Variants in CNGB1 observed in about 807,000 individuals in gnomAD.
CNGB1 encodes cyclic nucleotide gated channel subunit beta 1, also known as cyclic nucleotide-gated channel beta-1.
CNGB1 carries 126 observed loss-of-function variants against 151.7 expected under a neutral mutation model. That is an observed-to-expected ratio of 0.83 (90% CI 0.72 to 0.96). The LOEUF (loss-of-function observed/expected upper bound fraction) is 0.96. Among genes scored for constraint, CNGB1 ranks in the 40% least tolerant of loss-of-function variants. CNGB1 has a pLI of 0.00. For missense variants in CNGB1, 1,698 were observed against 1,627.0 expected, an observed-to-expected ratio of 1.04 and a Z score of -0.75; for synonymous variants, 623 against 635.1, an observed-to-expected ratio of 0.98 and a Z score of 0.29.
chr16:57,934,786 A>T (rs1427978138), intron 16 of CNGB1, among the ~76,000 whole-genome samples: 1 of 152,090 alleles, frequency 6.6e-6, no homozygotes, highest in Non-Finnish European at 1.5e-5. Context: ...GAGAAACTCC[A>T]TCTCTACTAA....
intron 20 of CNGB1, 53 bp from the exon 21 acceptor site, chr16:57,917,529 A>T (rs1960905293): frequency 1.3e-6 from 2 of 1,572,318 alleles, no homozygotes; most frequent in South Asian, 2.2e-5. Flanking sequence ...AAGGCTCTTC[A>T]CCAGTTGGAT....
intron 1 of CNGB1, among the ~76,000 whole-genome samples, 175 bp downstream of exon 1, chr16:57,970,885 A>T (rs1195675254): frequency 6.6e-6 from 1 of 152,010 alleles, no homozygotes; most frequent in Non-Finnish European, 1.5e-5. Flanking sequence ...AGGAATTTGC[A>T]TTGTACAAGC....
intron 25 of CNGB1, among the ~76,000 whole-genome samples, chr16:57,906,174 C>A (rs1960545630): frequency 6.6e-6 from 1 of 152,206 alleles, no homozygotes; most frequent in South Asian, 2.1e-4. Flanking sequence ...GGCTCAGCCA[C>A]CTTCTGGCTG....
intron 31 of CNGB1, among the ~76,000 whole-genome samples, chr16:57,889,302 C>T (rs1960023399): frequency 6.6e-6 from 1 of 152,226 alleles, no homozygotes; most frequent in African/African-American, 2.4e-5. Flanking sequence ...AGTGCCTGGC[C>T]TCCCTTGATG....
At chr16:57,969,637 AT>A (rs1178469792) in intron 1 of CNGB1, among the ~76,000 whole-genome samples, 1 of 152,216 alleles carries the variant, frequency 6.6e-6, no homozygotes, top group Non-Finnish European at 1.5e-5. Flanking sequence ...ATAGTGCTAT[AT>A]TTTAAAAAAA....
At chr16:57,928,990 T>C (rs1961268735) in intron 17 of CNGB1, among the ~76,000 whole-genome samples, 1 of 152,052 alleles carries the variant, frequency 6.6e-6, no homozygotes, top group Non-Finnish European at 1.5e-5. Context: ...AAAGCACAGG[T>C]AACAAAAGCA....
In CNGB1 at chr16:57,883,867, C is replaced by A; in HGVS notation, c.*297G>T. 1 of 534,640 alleles carries A rather than the reference C, an allele frequency of 1.9e-6. No individual in the cohort carries two copies. Among genetic ancestry groups the A allele is most frequent in the Non-Finnish European group, 3.4e-6 (1 of 298,322 alleles). The allele number at this position is 534,640 out of a possible 1,614,324, so 33.1% of individuals were successfully genotyped here. Reference sequence around the variant, plus strand: ...CCCATGAACTTTAAAAGTGGAAAATCATTTTGTTCTTAAAAAGAGGAACAG... The same window carrying A: ...CCCATGAACTTTAAAAGTGGAAAATAATTTTGTTCTTAAAAAGAGGAACAG... On this transcript the variant is annotated 3_prime_UTR_variant, in exon 33 of 33. Coordinates refer to ENST00000251102, the MANE Select transcript of CNGB1 (RefSeq NM_001297.5).
At chr16:57,920,239 G>T in intron 19 of CNGB1, 148 bp downstream of exon 19, 1 of 867,664 alleles carries the variant, frequency 1.2e-6, no homozygotes, top group Non-Finnish European at 1.8e-6. Context: ...CTGTACATAT[G>T]GATCCCAAAT....
In CNGB1 at chr16:57,923,398, TG is replaced by T. The variant is rs745614972; in HGVS notation, c.1536-19del. On this transcript the variant is annotated intron_variant, in intron 17 of 32. Coordinates refer to ENST00000251102, the MANE Select transcript of CNGB1 (RefSeq NM_001297.5). ...GCTTCTTCCTGCAAAGACACAGATG[TG>T]GAAGGGGCCTTCAGCAAAGGCAGAG... The T allele has an allele frequency of 7.5e-5, 120 of 1,601,460 alleles. No homozygotes were observed. The highest frequency in any genetic ancestry group is 1.0e-4 in the Non-Finnish European group (119 of 1,170,064).
intron 31 of CNGB1, among the ~76,000 whole-genome samples, chr16:57,889,315 T>C (rs1596947451): frequency 6.6e-6 from 1 of 152,316 alleles, no homozygotes; most frequent in South Asian, 2.1e-4. Flanking sequence ...CCTTGATGAC[T>C]TTGATGTAGG....
Position 57,934,389 on chromosome 16 carries a change from G to A in CNGB1, c.1373-2511C>T, listed in dbSNP as rs77213331. On this transcript the variant is annotated intron_variant, in intron 16 of 32. Coordinates refer to ENST00000251102, the MANE Select transcript of CNGB1 (RefSeq NM_001297.5). ...GTAGAACCTGCAATGAGTCAAGATC[G>A]CGCCTACTACACTCCAGCCTTAGCG... 1.8e-3 allele frequency among the ~76,000 whole-genome samples: 280 copies of A among 152,130 alleles called. 4 individuals carry two copies. In the East Asian group the frequency reaches 0.023, roughly 13 times the overall value.
intron 32 of CNGB1, among the ~76,000 whole-genome samples, chr16:57,885,654 T>G (rs1959910600): frequency 6.6e-6 from 1 of 151,096 alleles, no homozygotes; most frequent in Non-Finnish European, 1.5e-5. Context: ...AGTGCAGTGG[T>G]GTGATCTCAG....
At chr16:57,908,110 C>T (rs1342466797) in intron 25 of CNGB1, among the ~76,000 whole-genome samples, 2 of 152,178 alleles carry the variant, frequency 1.3e-5, no homozygotes, top group South Asian at 2.1e-4. Flanking sequence ...AGGCTGGTCT[C>T]GAACTTGTGA....
rs1311497411 is a variant in CNGB1, at chr16:57,920,543, C to T, written c.1645G>A (p.Gly549Ser). The T allele has an allele frequency of 1.2e-6, 2 of 1,612,178 alleles. No homozygotes were observed. Among genetic ancestry groups the T allele is most frequent in the African/African-American group, 2.7e-5 (2 of 74,922 alleles). ...GCCGTGGAGGCCGCACGGTCCTGGC[C>T]ACTGTGGGAACATCACCCAAAGCTG... ...SDPTTPKDTD[G>S]QDRAASTAST... The change falls in exon 19 of 33, where the codon GGC becomes AGC. Residue 549 changes from glycine (G) to serine (S), a missense_variant and splice_region_variant. By Grantham distance (56) the Gly-to-Ser change is moderately conservative. Transcript: ENST00000251102.
intron 7 of CNGB1, among the ~76,000 whole-genome samples, chr16:57,962,273 A>T (rs756335527): frequency 1.8e-4 from 28 of 152,076 alleles, no homozygotes; most frequent in Non-Finnish European, 3.8e-4. Flanking sequence ...GCCTACCTAC[A>T]TGAAGCCCAC....
At chr16:57,927,689 G>C (rs571743086) in intron 17 of CNGB1, among the ~76,000 whole-genome samples, 1 of 152,300 alleles carries the variant, frequency 6.6e-6, no homozygotes, top group Non-Finnish European at 1.5e-5. Context: ...CAGAAAGCCA[G>C]AGGCTTAGAT....
intron 26 of CNGB1, 102 bp from the exon 27 acceptor site, chr16:57,904,083 T>C (rs1960468475): frequency 9.3e-7 from 1 of 1,078,048 alleles, no homozygotes; most frequent in South Asian, 1.3e-5. Context: ...ACCACGGGCA[T>C]GTGCTCCTGG....
chr16:57,950,368 T>C lies in CNGB1; in HGVS notation c.1034+13A>G. The C allele has an allele frequency of 1.2e-6, 2 of 1,614,156 alleles. No homozygotes were observed. Among genetic ancestry groups the C allele is most frequent in the Non-Finnish European group, 1.7e-6 (2 of 1,179,990 alleles). Reference sequence around the variant, plus strand: ...CAATAACTAATCTTTTAGGGTCTTCTCAGACTCCCCACCTGGGCATCTTCT... The same window carrying C: ...CAATAACTAATCTTTTAGGGTCTTCCCAGACTCCCCACCTGGGCATCTTCT... On this transcript the variant is annotated intron_variant, in intron 13 of 32. Coordinates refer to ENST00000251102, the MANE Select transcript of CNGB1 (RefSeq NM_001297.5).
intron 11 of CNGB1, among the ~76,000 whole-genome samples, chr16:57,958,083 T>C (rs1962136207): frequency 6.6e-6 from 1 of 152,258 alleles, no homozygotes; most frequent in South Asian, 2.1e-4. Context: ...AGAATCTAGG[T>C]ATCTCTCATT....
Sources: allele counts gnomAD v4.1 joint callset (sites outside exome capture counted in the v4.1 genomes callset), GRCh38; gene constraint gnomAD v4.1.1; transcripts MANE v1.5; gene names NCBI Gene and HGNC (gene_info 2026-07-23, HGNC 2026-07-21).